The following HDAC1 variants were observed in gnomAD, a reference collection of about 807,000 sequenced individuals.
HDAC1 encodes histone deacetylase 1.
In HDAC1, 18 loss-of-function variants were observed where a neutral mutation model predicts 65.5. The observed-to-expected ratio is 0.27, with a 90% CI of 0.19 to 0.41. HDAC1 has a LOEUF of 0.41. HDAC1 is among the 10% of genes least tolerant of loss of function. The pLI, the probability that HDAC1 is intolerant of heterozygous loss-of-function variation, is 1.00. For synonymous variants in HDAC1, 211 were observed against 227.9 expected, an observed-to-expected ratio of 0.93 and a Z score of 0.67; for missense variants, 373 against 625.2, an observed-to-expected ratio of 0.60 and a Z score of 4.30.
rs938300600 is a variant in HDAC1, at chr1:32,327,229, T to C, written c.494+152T>C. The C allele has an allele frequency of 2.7e-6, 2 of 735,122 alleles. No individual in the cohort carries two copies. Among genetic ancestry groups the C allele is most frequent in the African/African-American group, 3.5e-5 (2 of 56,818 alleles). The allele number at this position is 735,122 out of a possible 1,614,324, so 45.5% of individuals were successfully genotyped here. On this transcript the variant is annotated intron_variant, in intron 5 of 13. Transcript: ENST00000373548. This position sits in a 1 kb window ranked among gnomAD's most constrained non-coding sequence, Gnocchi z 6.0. ...GTGTCTCTGGCCATCATCTCCTTGA[T>C]GGGGTCTTGGTTTGATCTGAGCCAC...
intron 1 of HDAC1, among the ~76,000 whole-genome samples, chr1:32,301,728 C>T (rs772566134): frequency 6.6e-6 from 1 of 152,144 alleles, no homozygotes; most frequent in Non-Finnish European, 1.5e-5. Context: ...TGAGATTGCA[C>T]CACTGCACTC....
chr1:32,330,346 G>A lies in HDAC1; in HGVS notation c.730-232G>A, dbSNP rs1248443650. 4.0e-6 allele frequency: 2 copies of A among 500,274 alleles called. No individual in the cohort carries two copies. Among genetic ancestry groups the A allele is most frequent in the East Asian group, 3.6e-5 (1 of 27,884 alleles). 31.0% of individuals were successfully genotyped at this position (500,274 alleles called of 1,614,324 possible). A position where few individuals can be genotyped will look rare whatever the true frequency, so the allele number is the denominator to read the frequency against. ...GGAGTTGAGAGGGAGGCCATTCTAG[G>A]TTCAGTGTTACTAGAGTGTTAGAAG... is the stretch of plus-strand genomic sequence containing the variant. On this transcript the variant is annotated intron_variant, in intron 7 of 13. Transcript: ENST00000373548. This position sits in a 1 kb window ranked among gnomAD's most constrained non-coding sequence, Gnocchi z 4.2.
Position 32,331,783 on chromosome 1 carries a change from A to T in HDAC1, c.1196A>T (p.Asp399Val), listed in dbSNP as rs1415809370. ...GAGGAGAGTGGCGATGAGGACGAAG[A>T]CGACCCTGACAAGCGCATCTCGAGT... The part of the protein sequence containing the change: ...IPEESGDEDE[D>V]DPDKRISICS... Residue 399 changes from aspartate (D) to valine (V), a missense_variant, in exon 11 of 14, where the codon GAC (aspartate) becomes GTC (valine). Asp to Val is a radical substitution (Grantham distance 152, BLOSUM62 -3). Coordinates refer to ENST00000373548, the MANE Select transcript of HDAC1 (RefSeq NM_004964.3). The surrounding 1 kb of genome is among the most constrained non-coding windows in gnomAD (Gnocchi z 4.2). 1 of 1,613,284 alleles carries T rather than the reference A, an allele frequency of 6.2e-7. No individual in the cohort carries two copies. The highest frequency in any genetic ancestry group is 1.3e-5 in the African/African-American group (1 of 74,962).
At chr1:32,316,993 T>C (rs751422088) in intron 3 of HDAC1, among the ~76,000 whole-genome samples, 1 of 152,216 alleles carries the variant, frequency 6.6e-6, no homozygotes, top group African/African-American at 2.4e-5. Flanking sequence ...TTTCTGGTTA[T>C]GTTCACAACA....
Position 32,329,348 on chromosome 1 carries a change from C to G in HDAC1, c.729+188C>G. 1.6e-6 allele frequency: 1 copy of G among 611,266 alleles called. No homozygotes were observed. Among genetic ancestry groups the G allele is most frequent in the Non-Finnish European group, 2.9e-6 (1 of 341,814 alleles). The allele number at this position is 611,266 out of a possible 1,614,324, so 37.9% of individuals were successfully genotyped here. ...AAACACCCATATTTATTGGTTCCTTCTATGGGTCAGGTCTTCTGCTGGATA... is the reference window on the plus strand; with the variant it reads ...AAACACCCATATTTATTGGTTCCTTGTATGGGTCAGGTCTTCTGCTGGATA... On this transcript the variant is annotated intron_variant, in intron 7 of 13. Coordinates refer to ENST00000373548, the MANE Select transcript of HDAC1 (RefSeq NM_004964.3). The surrounding 1 kb of genome is among the most constrained non-coding windows in gnomAD (Gnocchi z 4.1).
At position 32,327,463 on chromosome 1, in the gene HDAC1, G is replaced by T; in HGVS notation, c.495-73G>T. 1 of 1,159,094 alleles carries T rather than the reference G, an allele frequency of 8.6e-7. No individual in the cohort carries two copies. Among genetic ancestry groups the T allele is most frequent in the Non-Finnish European group, 1.3e-6 (1 of 778,138 alleles). The allele number at this position is 1,159,094 out of a possible 1,614,324, so 71.8% of individuals were successfully genotyped here. Reference sequence around the variant, plus strand: ...CTGAGGGAGGCAGCCAGCCCGGTAAGCTGGGAGCTAGCGCCCTTGGCACGT... The same window carrying T: ...CTGAGGGAGGCAGCCAGCCCGGTAATCTGGGAGCTAGCGCCCTTGGCACGT... On this transcript the variant is annotated intron_variant, in intron 5 of 13. Coordinates refer to ENST00000373548, the MANE Select transcript of HDAC1 (RefSeq NM_004964.3). This position sits in a 1 kb window ranked among gnomAD's most constrained non-coding sequence, Gnocchi z 6.0.
chr1:32,307,532 A>C (rs1640927871), intron 2 of HDAC1, among the ~76,000 whole-genome samples: 1 of 152,312 alleles, frequency 6.6e-6, no homozygotes, highest in South Asian at 2.1e-4. Flanking sequence ...GGTAGTATAC[A>C]GTGTGGATAT....
At chr1:32,309,958 G>A (rs984171627) in intron 2 of HDAC1, among the ~76,000 whole-genome samples, 1 of 152,158 alleles carries the variant, frequency 6.6e-6, no homozygotes, top group African/African-American at 2.4e-5. Context: ...GGCCCTTGGG[G>A]AAGTGCAAGC....
At position 32,329,350 on chromosome 1, in the gene HDAC1, A is replaced by G. The variant is rs1218816848; in HGVS notation, c.729+190A>G. 16 of 610,834 alleles carry G rather than the reference A, an allele frequency of 2.6e-5. No individual in the cohort carries two copies. The highest frequency in any genetic ancestry group is 2.3e-4 in the South Asian group (12 of 52,606). The allele number at this position is 610,834 out of a possible 1,614,324, so 37.8% of individuals were successfully genotyped here. A position where few individuals can be genotyped will look rare whatever the true frequency, so the allele number is the denominator to read the frequency against. ...ACACCCATATTTATTGGTTCCTTCT[A>G]TGGGTCAGGTCTTCTGCTGGATACA... On this transcript the variant is annotated intron_variant, in intron 7 of 13. Coordinates refer to ENST00000373548, the MANE Select transcript of HDAC1 (RefSeq NM_004964.3). The surrounding 1 kb of genome is among the most constrained non-coding windows in gnomAD (Gnocchi z 4.1).
chr1:32,328,316 CTT>C (rs553363907), intron 6 of HDAC1, among the ~76,000 whole-genome samples: 10 of 142,760 alleles, frequency 7.0e-5, no homozygotes, highest in Admixed American at 2.1e-4. Context: ...TGAGCATTCA[CTT>C]TTTTTTTTTT....
intron 1 of HDAC1, among the ~76,000 whole-genome samples, chr1:32,294,188 G>C (rs994677599): frequency 1.3e-5 from 2 of 152,156 alleles, no homozygotes; most frequent in African/African-American, 4.8e-5. Context: ...TGTCACCCAG[G>C]CTGGAGTGCA....
rs1641295609 is a variant in HDAC1, at chr1:32,331,796, G to A, written c.1209G>A (p.Lys403=). 6.2e-7 allele frequency: 1 copy of A among 1,611,558 alleles called. No individual in the cohort carries two copies. The highest frequency in any genetic ancestry group is 2.2e-5 in the East Asian group (1 of 44,850). ...SGDEDEDDPD[K]RISICSSDKR... is the part of the protein sequence containing the mutation. ...ATGAGGACGAAGACGACCCTGACAA[G>A]CGCATCTCGAGTGAGACCCAGACCT... Residue 403 remains lysine, a synonymous_variant, in exon 11 of 14, where the codon AAG becomes AAA. Coordinates refer to ENST00000373548, the MANE Select transcript of HDAC1 (RefSeq NM_004964.3). This position sits in a 1 kb window ranked among gnomAD's most constrained non-coding sequence, Gnocchi z 4.2.
chr1:32,302,843 T>C, intron 2 of HDAC1, 110 bp downstream of exon 2: 1 of 677,378 alleles, frequency 1.5e-6, no homozygotes, highest in Non-Finnish European at 2.7e-6. Context: ...ATCAAATGCA[T>C]GTTGACTGCT....
chr1:32,300,786 G>C (rs1052976808), intron 1 of HDAC1, among the ~76,000 whole-genome samples: 4 of 152,150 alleles, frequency 2.6e-5, no homozygotes, highest in African/African-American at 9.7e-5. Flanking sequence ...ATCATAATCT[G>C]GTGTGTCTGG....
chr1:32,317,233 A>G (rs1036157167), intron 3 of HDAC1, among the ~76,000 whole-genome samples: 3 of 152,212 alleles, frequency 2.0e-5, no homozygotes, highest in Non-Finnish European at 4.4e-5. Context: ...CACTCAGGAC[A>G]GATTCTAGAT....
chr1:32,318,203 C>A (rs1404683502), intron 3 of HDAC1, among the ~76,000 whole-genome samples: 1 of 152,226 alleles, frequency 6.6e-6, no homozygotes, highest in African/African-American at 2.4e-5. Flanking sequence ...CCAGCCTCGG[C>A]TTCCCCAAGT....
Position 32,327,123 on chromosome 1 carries a change from G to A in HDAC1, c.494+46G>A. ...CTCTTGGAAGAGCACCTTAGGCCAG[G>A]TTCCCATTTCCCTCTTCCCCTGGGC... On this transcript the variant is annotated intron_variant, in intron 5 of 13. Transcript: ENST00000373548. This position sits in a 1 kb window ranked among gnomAD's most constrained non-coding sequence, Gnocchi z 6.0. 1.2e-6 allele frequency: 2 copies of A among 1,602,138 alleles called. No homozygotes were observed. The highest frequency in any genetic ancestry group is 1.7e-6 in the Non-Finnish European group (2 of 1,172,426).
chr1:32,323,452 C>T (rs1032465648), intron 3 of HDAC1, among the ~76,000 whole-genome samples: 13 of 152,034 alleles, frequency 8.6e-5, no homozygotes, highest in African/African-American at 2.9e-4. Flanking sequence ...GGCTGGAGTG[C>T]AGTTGCGCGA....
At chr1:32,311,529 A>G (rs910907684) in intron 2 of HDAC1, among the ~76,000 whole-genome samples, 7 of 152,036 alleles carry the variant, frequency 4.6e-5, no homozygotes, top group African/African-American at 7.2e-5. Flanking sequence ...TGGTGCTGAG[A>G]ATAGGAAACC....
Sources: allele counts gnomAD v4.1 joint callset (sites outside exome capture counted in the v4.1 genomes callset), GRCh38; gene constraint gnomAD v4.1.1; non-coding constraint Gnocchi (gnomAD v3.1); transcripts MANE v1.5; gene names NCBI Gene and HGNC (gene_info 2026-07-23, HGNC 2026-07-21).